ZFYVE9: variants seen among roughly 807,000 people sequenced by gnomAD.
ZFYVE9 encodes zinc finger FYVE-type containing 9, also known as zinc finger FYVE domain-containing protein 9.
Under a neutral mutation model 126.7 loss-of-function variants are expected in ZFYVE9, and 43 were observed. The observed-to-expected ratio is 0.34, with a 90% CI of 0.27 to 0.44. The LOEUF (loss-of-function observed/expected upper bound fraction) is 0.44. Ranked by LOEUF, ZFYVE9 falls within the 20% of genes least tolerant of loss-of-function variation. The pLI is 1.00. For missense variants in ZFYVE9, 1,476 were observed against 1,697.0 expected (o/e 0.87, Z 2.29); for synonymous variants, 521 against 597.4 (o/e 0.87, Z 1.87).
At chr1:52,155,609 A>G (rs1384662450) in intron 1 of ZFYVE9, among the ~76,000 whole-genome samples, 1 of 152,108 alleles carries the variant, frequency 6.6e-6, no homozygotes, top group Non-Finnish European at 1.5e-5. Context: ...CTTCCTTGCT[A>G]TAAACTCTAC....
intron 10 of ZFYVE9, among the ~76,000 whole-genome samples, chr1:52,287,471 A>G (rs1645873266): frequency 6.6e-6 from 1 of 151,940 alleles, no homozygotes; most frequent in Non-Finnish European, 1.5e-5. Flanking sequence ...CCACTCTGAA[A>G]CTCATGTTGA....
intron 10 of ZFYVE9, among the ~76,000 whole-genome samples, chr1:52,292,904 A>T (rs574762331): frequency 6.6e-6 from 1 of 152,324 alleles, no homozygotes; most frequent in Non-Finnish European, 1.5e-5. Context: ...CAACAATGTG[A>T]TAATATAACT....
rs550248471 is a variant in ZFYVE9 at position 52,163,285 on chromosome 1, T to A, written c.-143+20882T>A. ...AACTCTTCAGTTTCTTCATGAACAT[T>A]AACTATGCCCTTGAAGTTGTTCTCC... is the stretch of plus-strand genomic sequence containing the variant. On this transcript the variant is annotated intron_variant, in intron 1 of 18. Transcript: ENST00000287727. Among the ~76,000 whole-genome samples the A allele has an allele frequency of 1.6e-4, 24 of 152,366 alleles. No individual in the cohort carries two copies. The South Asian group carries it at 4.3e-3, about 28-fold the overall frequency.
At chr1:52,150,514 C>T (rs1644345851) in intron 1 of ZFYVE9, 1 of 152,142 alleles carries the variant, frequency 6.6e-6, no homozygotes, top group East Asian at 1.9e-4. Context: ...TGCCTGTAAT[C>T]CCAACGCTTT....
chr1:52,239,306 A>G lies in ZFYVE9; in HGVS notation c.1889A>G (p.Asn630Ser), dbSNP rs756301569. 44 of 1,614,088 alleles carry G rather than the reference A, an allele frequency of 2.7e-5. No homozygotes were observed. The highest frequency in any genetic ancestry group is 6.7e-5 in the East Asian group (3 of 44,898). Residue 630 changes from asparagine to serine, a missense_variant, in exon 4 of 19, where the codon AAT (asparagine) becomes AGT (serine). Coordinates refer to ENST00000287727, the MANE Select transcript of ZFYVE9 (RefSeq NM_004799.4). ...KAKLGENSAT[N>S]VCSPSLGNIS... ...AAATTAGGGGAAAACTCAGCAACCA[A>G]TGTATGCAGTCCATCTTTGGGAAAC...
At chr1:52,177,444 C>G (rs564476874) in intron 1 of ZFYVE9, among the ~76,000 whole-genome samples, 10 of 152,208 alleles carry the variant, frequency 6.6e-5, no homozygotes, top group Admixed American at 6.5e-5. Flanking sequence ...CTGCACCTGG[C>G]CCAAGTCTGA....
chr1:52,285,719 T>A (rs1008131722), intron 10 of ZFYVE9, among the ~76,000 whole-genome samples: 1 of 152,106 alleles, frequency 6.6e-6, no homozygotes, highest in Non-Finnish European at 1.5e-5. Context: ...CATATTACAA[T>A]GTAATAATAG....
chr1:52,266,739 C>T lies in ZFYVE9; in HGVS notation c.2363C>T (p.Pro788Leu), dbSNP rs1445803340. Reference sequence around the variant, plus strand: ...GCTGAATACTGTTCTACTATCCCTCCCTTGCAGCAAGCTCAGGCCTCAGGA... The same window carrying T: ...GCTGAATACTGTTCTACTATCCCTCTCTTGCAGCAAGCTCAGGCCTCAGGA... ...NPAEYCSTIP[P>L]LQQAQASGAL... Residue 788 changes from proline to leucine, a missense_variant, in exon 6 of 19, where the codon CCC becomes CTC. Physicochemically the swap from Pro to Leu is moderately conservative, Grantham distance 98. This residue lies in a region of ZFYVE9 where 669 missense variants were observed against 902.4 expected (regional missense o/e 0.74). Coordinates refer to ENST00000287727, the MANE Select transcript of ZFYVE9 (RefSeq NM_004799.4). 1 of 1,612,224 alleles carries T rather than the reference C, an allele frequency of 6.2e-7. No homozygotes were observed. The highest frequency in any genetic ancestry group is 2.2e-5 in the East Asian group (1 of 44,710).
intron 17 of ZFYVE9, among the ~76,000 whole-genome samples, chr1:52,340,791 C>T (rs908343167): frequency 1.3e-5 from 2 of 151,180 alleles, no homozygotes; most frequent in Admixed American, 6.6e-5. Context: ...GTCCCAGCTG[C>T]CTGAGAGGCT....
At chr1:52,180,033 G>A (rs529553994) in intron 1 of ZFYVE9, 2 of 835,938 alleles carry the variant, frequency 2.4e-6, no homozygotes, top group Non-Finnish European at 4.2e-6. Flanking sequence ...TAATGAGGAG[G>A]ATGAATGTGC....
intron 1 of ZFYVE9, among the ~76,000 whole-genome samples, chr1:52,172,678 G>A (rs866506900): frequency 0.011 from 1,625 of 152,000 alleles, 22 homozygotes; most frequent in South Asian, 0.057. Context: ...TTATTTCATT[G>A]AGCAGTGGTT....
intron 1 of ZFYVE9, among the ~76,000 whole-genome samples, chr1:52,211,682 A>G (rs1385218016): frequency 6.6e-6 from 1 of 152,234 alleles, no homozygotes; most frequent in Non-Finnish European, 1.5e-5. Flanking sequence ...TCTAAGAAAT[A>G]AAATAAAATT....
At chr1:52,339,114 T>C (rs1646413355) in intron 16 of ZFYVE9, among the ~76,000 whole-genome samples, 1 of 152,228 alleles carries the variant, frequency 6.6e-6, no homozygotes, top group South Asian at 2.1e-4. Flanking sequence ...TCAGAATGAA[T>C]GTGTATCTCC....
intron 1 of ZFYVE9, among the ~76,000 whole-genome samples, chr1:52,202,297 T>C (rs535142354): frequency 6.6e-4 from 100 of 152,194 alleles, no homozygotes; most frequent in Non-Finnish European, 1.3e-3. Context: ...TTTGTTTTTT[T>C]AAGACAGTGT....
intron 1 of ZFYVE9, among the ~76,000 whole-genome samples, chr1:52,193,579 C>T (rs1353044287): frequency 6.0e-5 from 9 of 151,122 alleles, no homozygotes; most frequent in East Asian, 2.0e-4. Flanking sequence ...TGGTTGCAGG[C>T]GCCTGTAATC....
intron 1 of ZFYVE9, among the ~76,000 whole-genome samples, chr1:52,204,170 C>A (rs1007642216): frequency 1.8e-4 from 27 of 151,668 alleles, no homozygotes; most frequent in African/African-American, 6.5e-4. Flanking sequence ...TGAAAATAGG[C>A]CTTTAGTAAT....
intron 1 of ZFYVE9, among the ~76,000 whole-genome samples, chr1:52,147,709 A>C (rs1001233338): frequency 6.6e-6 from 1 of 152,100 alleles, no homozygotes; most frequent in Non-Finnish European, 1.5e-5. Flanking sequence ...ATATGCTTTC[A>C]TTTCTCTTGG....
At chr1:52,252,779 G>A (rs1645464252) in intron 4 of ZFYVE9, 1 of 423,928 alleles carries the variant, frequency 2.4e-6, no homozygotes, top group Non-Finnish European at 4.9e-6. Flanking sequence ...GCCATGGCTG[G>A]GCTCCCCTAC....
intron 1 of ZFYVE9, among the ~76,000 whole-genome samples, chr1:52,161,873 C>T (rs1257379816): frequency 6.6e-6 from 1 of 151,074 alleles, no homozygotes; most frequent in Non-Finnish European, 1.5e-5. Context: ...CAATATCTAA[C>T]ACAAAAGAAG....
Sources: gnomAD v4.1 joint callset for allele counts (sites outside exome capture counted in the v4.1 genomes callset) on GRCh38, gnomAD v4.1.1 for gene constraint, gnomAD v4.1.1 regional missense constraint, MANE v1.5 for transcripts, NCBI Gene and HGNC (gene_info 2026-07-23, HGNC 2026-07-21) for gene names.